OPCML: variants seen among roughly 807,000 people sequenced by gnomAD.
OPCML encodes opioid binding protein/cell adhesion molecule like.
In OPCML, 13 loss-of-function variants were observed where a neutral mutation model predicts 37.8. The ratio of observed to expected loss-of-function variants is 0.34; its 90% CI spans 0.22 to 0.55. OPCML has a LOEUF of 0.55. Among genes scored for constraint, OPCML ranks in the 20% least tolerant of loss-of-function variants. OPCML has a pLI of 0.91. For synonymous variants in OPCML, 176 were observed against 168.8 expected (o/e 1.04, Z -0.33); for missense variants, 341 against 435.6 (o/e 0.78, Z 1.93).
At chr11:132,558,988 T>A (rs894583679) in intron 3 of OPCML, among the ~76,000 whole-genome samples, 1 of 152,174 alleles carries the variant, frequency 6.6e-6, no homozygotes, top group African/African-American at 2.4e-5. Flanking sequence ...TATTTTCAAC[T>A]ATTTGATTGG....
intron 2 of OPCML, among the ~76,000 whole-genome samples, chr11:132,677,365 T>C (rs946136831): frequency 6.6e-6 from 1 of 152,166 alleles, no homozygotes; most frequent in African/African-American, 2.4e-5. Context: ...TTAAAATCCC[T>C]GAAAGCTATG....
rs1945674476 is a variant in OPCML, at chr11:132,943,928, C to T, written c.62-918G>A. On this transcript the variant is annotated intron_variant, in intron 1 of 7. Transcript: ENST00000524381. This position sits in a 1 kb window ranked among gnomAD's most constrained non-coding sequence, Gnocchi z 4.3. ...CAGCCCCGACGCGCGCGGGCCCGGA[C>T]CGCCGGGGTTGTCATGGCAGCAGCT... Among the ~76,000 whole-genome samples, 2 of 151,812 alleles carry T rather than the reference C, an allele frequency of 1.3e-5. No homozygotes were observed. Among genetic ancestry groups the T allele is most frequent in the South Asian group, 4.1e-4 (2 of 4,838 alleles).
chr11:132,824,685 C>T (rs1940195865), intron 2 of OPCML, among the ~76,000 whole-genome samples: 1 of 152,192 alleles, frequency 6.6e-6, no homozygotes, highest in African/African-American at 2.4e-5. Flanking sequence ...CCCCACCCAG[C>T]TGTGGTCTTT....
chr11:133,003,959 T>C (rs566733001), intron 1 of OPCML: 1 of 985,388 alleles, frequency 1.0e-6, no homozygotes, highest in Admixed American at 6.1e-5. Context: ...CACTGTCCCG[T>C]GGGCAGCAGA....
intron 2 of OPCML, among the ~76,000 whole-genome samples, chr11:132,710,246 A>T (rs183071823): frequency 1.1e-4 from 16 of 152,318 alleles, no homozygotes; most frequent in African/African-American, 3.6e-4. Flanking sequence ...ATTAGGAAGA[A>T]TTCAGTTTTT....
At chr11:132,939,408 T>C (rs541715601) in intron 2 of OPCML, among the ~76,000 whole-genome samples, 1 of 152,310 alleles carries the variant, frequency 6.6e-6, no homozygotes, top group East Asian at 1.9e-4. Flanking sequence ...AAAGAGCCAT[T>C]AAGCATAATC....
intron 4 of OPCML, among the ~76,000 whole-genome samples, chr11:132,523,741 A>T (rs2096300494): frequency 6.6e-6 from 1 of 152,242 alleles, no homozygotes; most frequent in Non-Finnish European, 1.5e-5. Context: ...CAATATAAAG[A>T]TGAGGCTAAA....
At chr11:132,981,963 A>G (rs1376310727) in intron 1 of OPCML, among the ~76,000 whole-genome samples, 3 of 152,180 alleles carry the variant, frequency 2.0e-5, no homozygotes, top group Admixed American at 2.0e-4. Context: ...ACATATCCAA[A>G]CATTTGTGAA....
At chr11:132,700,131 T>A (rs138437795) in intron 2 of OPCML, among the ~76,000 whole-genome samples, 1 of 152,074 alleles carries the variant, frequency 6.6e-6, no homozygotes, top group Non-Finnish European at 1.5e-5. Context: ...TGATCTTTTG[T>A]GTTTCTGTAA....
At chr11:133,468,868 C>T (rs770815891) in intron 1 of OPCML, among the ~76,000 whole-genome samples, 7 of 151,346 alleles carry the variant, frequency 4.6e-5, no homozygotes, top group Non-Finnish European at 7.4e-5. Context: ...CTCTGCCCTG[C>T]AGGTGAGGGT....
chr11:132,716,574 A>T, intron 2 of OPCML, among the ~76,000 whole-genome samples: 1 of 152,218 alleles, frequency 6.6e-6, no homozygotes, highest in Middle Eastern at 3.2e-3. Flanking sequence ...AGGAAAATTT[A>T]ATTTAAATCA....
intron 4 of OPCML, among the ~76,000 whole-genome samples, chr11:132,471,499 G>C (rs2096137881): frequency 6.6e-6 from 1 of 152,134 alleles, no homozygotes; most frequent in South Asian, 2.1e-4. Context: ...ATGCCAGCTG[G>C]GGCTGCAACC....
At chr11:132,430,538 G>A (rs2095993148) in intron 7 of OPCML, among the ~76,000 whole-genome samples, 1 of 152,194 alleles carries the variant, frequency 6.6e-6, no homozygotes, top group Non-Finnish European at 1.5e-5. Context: ...GCAGGCTGGA[G>A]TCACAGCTGC....
intron 2 of OPCML, among the ~76,000 whole-genome samples, chr11:132,763,433 T>C (rs966642042): frequency 2.0e-5 from 3 of 152,042 alleles, no homozygotes; most frequent in African/African-American, 7.3e-5. Context: ...AGCTAGTAAG[T>C]GGGGGAGTTA....
At chr11:133,082,868 G>C (rs1244775663) in intron 1 of OPCML, among the ~76,000 whole-genome samples, 1 of 150,006 alleles carries the variant, frequency 6.7e-6, no homozygotes, top group African/African-American at 2.4e-5. Flanking sequence ...GCCCCTCCGA[G>C]CCGACCTCGT....
chr11:133,418,868 T>G (rs978555704), intron 1 of OPCML, among the ~76,000 whole-genome samples: 6 of 152,186 alleles, frequency 3.9e-5, no homozygotes, highest in Non-Finnish European at 8.8e-5. Context: ...ATTGACCTTT[T>G]GAGATGTCTT....
chr11:133,067,878 T>C (rs1267834860), intron 1 of OPCML: 2 of 152,140 alleles, frequency 1.3e-5, no homozygotes, highest in African/African-American at 2.4e-5. Context: ...AAAATGCTTA[T>C]CATATATTTG....
At chr11:132,471,586 C>T (rs1029574882) in intron 4 of OPCML, among the ~76,000 whole-genome samples, 2 of 152,206 alleles carry the variant, frequency 1.3e-5, no homozygotes, top group African/African-American at 2.4e-5. Context: ...GTTCCTCCAT[C>T]TGTGGGTGTC....
intron 1 of OPCML, among the ~76,000 whole-genome samples, chr11:133,272,491 C>T (rs1941874927): frequency 6.6e-6 from 1 of 152,176 alleles, no homozygotes; most frequent in African/African-American, 2.4e-5. Flanking sequence ...ACAGTATTCC[C>T]TGTCAGGGAG....
Sources: gnomAD v4.1 joint callset for allele counts (sites outside exome capture counted in the v4.1 genomes callset) on GRCh38, gnomAD v4.1.1 for gene constraint, Gnocchi (gnomAD v3.1) non-coding constraint, MANE v1.5 for transcripts, NCBI Gene and HGNC (gene_info 2026-07-23, HGNC 2026-07-21) for gene names.